The following ZNF589 variants were observed in gnomAD, a reference collection of about 807,000 sequenced individuals.
ZNF589 encodes KRAB-zinc finger protein SZF1-1.
In ZNF589, 17 loss-of-function variants were observed where a neutral mutation model predicts 13.6. That is an observed-to-expected ratio of 1.25 (90% CI 0.86 to 1.88). The LOEUF is 1.88. ZNF589 is among the 40% of genes most tolerant of loss of function. The pLI is 0.00. For synonymous variants in ZNF589, 148 were observed against 161.6 expected, an observed-to-expected ratio of 0.92 and a Z score of 0.64; for missense variants, 407 against 434.0, an observed-to-expected ratio of 0.94 and a Z score of 0.55.
At chr3:48,241,241 C>A in intron 1 of ZNF589, 27 bp downstream of exon 1, 1 of 1,607,896 alleles carries the variant, frequency 6.2e-7, no homozygotes, top group Non-Finnish European at 8.5e-7. Context: ...AGATCGCCTC[C>A]CCCATTCGGT....
rs538167787 is a variant in ZNF589, at chr3:48,241,128, C to A, written c.-44C>A. The A allele has an allele frequency of 8.7e-6, 14 of 1,611,936 alleles. No homozygotes were observed. The African/African-American group carries it at 1.6e-4, about 19-fold the overall frequency. ...TGCGCATTCTAATCCGTTTCACACA[C>A]GGTGCTGCTACCTCGTTTGCTTCGT... On this transcript the variant is annotated 5_prime_UTR_variant, in exon 1 of 4. Coordinates refer to ENST00000354698, the MANE Select transcript of ZNF589 (RefSeq NM_016089.3).
rs574541143 is a variant in ZNF589 at position 48,268,851 on chromosome 3, C to G, written c.*65C>G. 8.3e-5 allele frequency: 128 copies of G among 1,549,026 alleles called. No homozygotes were observed. The East Asian group carries it at 2.7e-3, about 32-fold the overall frequency. ...CAGAGGATACATTCAGATGAGAAGC[C>G]TTTTGTTTGCAGAGAGTGTGGGCGA... On this transcript the variant is annotated 3_prime_UTR_variant, in exon 4 of 4. Transcript: ENST00000354698.
intron 1 of ZNF589, among the ~76,000 whole-genome samples, chr3:48,246,086 G>T (rs1559979271): frequency 6.6e-6 from 1 of 152,054 alleles, no homozygotes; most frequent in Non-Finnish European, 1.5e-5. Flanking sequence ...GCCAATGTGG[G>T]CAGATCACTT....
At position 48,243,294 on chromosome 3, in the gene ZNF589, T is replaced by G. The variant is rs188227606; in HGVS notation, c.43+2080T>G. 1.1e-3 allele frequency among the ~76,000 whole-genome samples: 174 copies of G among 151,684 alleles called. 2 individuals carry two copies. Among genetic ancestry groups the G allele is most frequent in the Non-Finnish European group, 1.4e-3 (95 of 67,910 alleles). Reference sequence around the variant, plus strand: ...AGACTTCATCTTTGTGTTAAAATTTTTTTTTTCTGAAGTAAAGACTATTCT... The same window carrying G: ...AGACTTCATCTTTGTGTTAAAATTTGTTTTTTCTGAAGTAAAGACTATTCT... On this transcript the variant is annotated intron_variant, in intron 1 of 3. Transcript: ENST00000354698.
At chr3:48,249,257 C>G (rs1178418977) in intron 2 of ZNF589, among the ~76,000 whole-genome samples, 2 of 152,132 alleles carry the variant, frequency 1.3e-5, no homozygotes, top group East Asian at 3.9e-4. Context: ...CACGCACCAC[C>G]ACACACAGCT....
At position 48,268,149 on chromosome 3, in the gene ZNF589, C is replaced by A. The variant is rs2034041446; in HGVS notation, c.458C>A (p.Pro153His). ...CAACGAGTGGAAGGAGGCGTCAGAC[C>A]CTTGTTTTGGAGTACAAATGAAAGG... ...EDQRVEGGVR[P>H]LFWSTNERGA... Residue 153 changes from proline to histidine, a missense_variant, in exon 4 of 4, where the codon CCC becomes CAC. Physicochemically the swap from Pro to His is moderately conservative, Grantham distance 77. Coordinates refer to ENST00000354698, the MANE Select transcript of ZNF589 (RefSeq NM_016089.3). 6.2e-7 allele frequency: 1 copy of A among 1,613,806 alleles called. No homozygotes were observed. The highest frequency in any genetic ancestry group is 1.7e-5 in the Admixed American group (1 of 59,990).
chr3:48,247,664 A>C lies in ZNF589; in HGVS notation c.83A>C (p.Lys28Thr), dbSNP rs1327237130. Residue 28 changes from lysine to threonine, a missense_variant, in exon 2 of 4, where the codon AAG becomes ACG. Lys to Thr is a moderately conservative substitution (Grantham distance 78, BLOSUM62 -1). Coordinates refer to ENST00000354698, the MANE Select transcript of ZNF589 (RefSeq NM_016089.3). ...AKDSAWPWEEKPRYLGPVTFE... is the reference protein window; with the variant it reads ...AKDSAWPWEETPRYLGPVTFE... Reference sequence around the variant, plus strand: ...GATTCTGCCTGGCCCTGGGAAGAGAAGCCTAGATATCTGGTGAGTTGGGCC... The same window carrying C: ...GATTCTGCCTGGCCCTGGGAAGAGACGCCTAGATATCTGGTGAGTTGGGCC... 6.2e-7 allele frequency: 1 copy of C among 1,613,626 alleles called. No individual in the cohort carries two copies. Among genetic ancestry groups the C allele is most frequent in the Non-Finnish European group, 8.5e-7 (1 of 1,179,738 alleles).
At chr3:48,245,351 A>G (rs1386753210) in intron 1 of ZNF589, among the ~76,000 whole-genome samples, 5 of 152,004 alleles carry the variant, frequency 3.3e-5, no homozygotes, top group East Asian at 3.9e-4. Flanking sequence ...GGCTCAAGCA[A>G]TCAGCCCACC....
chr3:48,250,102 C>T (rs2106834603), intron 2 of ZNF589, among the ~76,000 whole-genome samples: 1 of 148,798 alleles, frequency 6.7e-6, no homozygotes, highest in East Asian at 2.0e-4. Context: ...CACTCCAGCC[C>T]AGGTGACAGA....
At chr3:48,253,679 T>C (rs2033866158) in intron 2 of ZNF589, among the ~76,000 whole-genome samples, 2 of 151,992 alleles carry the variant, frequency 1.3e-5, no homozygotes, top group Non-Finnish European at 2.9e-5. Flanking sequence ...TTTTTTTGTA[T>C]TTTTAGTAGA....
chr3:48,266,051 CAG>C (rs552966097), intron 3 of ZNF589, among the ~76,000 whole-genome samples: 273 of 152,250 alleles, frequency 1.8e-3, no homozygotes, highest in African/African-American at 6.0e-3. Context: ...AAAGACAAGA[CAG>C]GGTTCAGGAT....
At chr3:48,255,523 C>A (rs1234159775) in intron 2 of ZNF589, among the ~76,000 whole-genome samples, 1 of 104,012 alleles carries the variant, frequency 9.6e-6, no homozygotes, top group Non-Finnish European at 1.8e-5. Context: ...GAGACAAAGT[C>A]TCGCTCTTTC....
At position 48,256,645 on chromosome 3, in the gene ZNF589, G is replaced by T. The variant is rs768779828; in HGVS notation, c.97-4168G>T. The T allele has an allele frequency of 1.7e-5, 18 of 1,032,676 alleles. No homozygotes were observed. The Admixed American group carries it at 3.1e-4, about 18-fold the overall frequency. 64.0% of individuals were successfully genotyped at this position (1,032,676 alleles called of 1,614,324 possible). ...GGCCTGTGATCTTTCGGGGCAGCAT[G>T]CCTCCATGGGGCTGGATGAACTGGC... On this transcript the variant is annotated intron_variant, in intron 2 of 3. Transcript: ENST00000354698.
At chr3:48,245,809 T>G in intron 1 of ZNF589, among the ~76,000 whole-genome samples, 1 of 151,684 alleles carries the variant, frequency 6.6e-6, no homozygotes, top group South Asian at 2.1e-4. Flanking sequence ...TAGCCAGGCA[T>G]GGTGGCAGGT....
chr3:48,264,267 G>T (rs2033997282), intron 3 of ZNF589, among the ~76,000 whole-genome samples: 1 of 152,144 alleles, frequency 6.6e-6, no homozygotes, highest in African/African-American at 2.4e-5. Context: ...GGGCATGGTG[G>T]CTCACACTTG....
chr3:48,255,266 C>G (rs1182017535), intron 2 of ZNF589, among the ~76,000 whole-genome samples: 1 of 151,184 alleles, frequency 6.6e-6, no homozygotes, highest in Admixed American at 6.6e-5. Context: ...ACTTCTGCCT[C>G]TTGGGTTCAA....
In ZNF589 at chr3:48,253,737, C is replaced by T. The variant is rs562110765; in HGVS notation, c.96+6060C>T. Among the ~76,000 whole-genome samples, 20 of 151,658 alleles carry T rather than the reference C, an allele frequency of 1.3e-4. No individual in the cohort carries two copies. In the South Asian group the frequency reaches 3.3e-3, roughly 25 times the overall value. Reference sequence around the variant, plus strand: ...CAGGATGGTCTCGATCTCCTGACCTCGTGATCCACCCACCTCGGCCTCCCA... The same window carrying T: ...CAGGATGGTCTCGATCTCCTGACCTTGTGATCCACCCACCTCGGCCTCCCA... On this transcript the variant is annotated intron_variant, in intron 2 of 3. Transcript: ENST00000354698.
At chr3:48,241,364 G>A (rs996927579) in intron 1 of ZNF589, 150 bp downstream of exon 1, 50 of 978,942 alleles carry the variant, frequency 5.1e-5, no homozygotes, top group Admixed American at 2.6e-4. Context: ...TCCCCTGGGG[G>A]GCCAGGTTCC....
At position 48,269,111 on chromosome 3, in the gene ZNF589, T is replaced by G. The variant is rs921415372; in HGVS notation, c.*325T>G. 2.1e-5 allele frequency: 14 copies of G among 672,076 alleles called. No homozygotes were observed. The African/African-American group carries it at 2.5e-4, about 12-fold the overall frequency. 41.6% of individuals were successfully genotyped at this position (672,076 alleles called of 1,614,324 possible). A position where few individuals can be genotyped will look rare whatever the true frequency, so the allele number is the denominator to read the frequency against. On this transcript the variant is annotated 3_prime_UTR_variant, in exon 4 of 4. Transcript: ENST00000354698. ...ACACACGGGAGAGAAGCCTTACACG[T>G]GCTTTGAGTGTGGGCGAAACTTTAG...
Sources: allele counts gnomAD v4.1 joint callset (sites outside exome capture counted in the v4.1 genomes callset), GRCh38; gene constraint gnomAD v4.1.1; transcripts MANE v1.5; gene names NCBI Gene and HGNC (gene_info 2026-07-23, HGNC 2026-07-21).